NAV1: variants seen among roughly 807,000 people sequenced by gnomAD.
NAV1 encodes pore membrane and/or filament interacting like protein 3.
In NAV1, 18 loss-of-function variants were observed where a neutral mutation model predicts 175.2. The observed-to-expected ratio is 0.10, with a 90% CI of 0.07 to 0.15. NAV1 has a LOEUF of 0.15. Ranked by LOEUF, NAV1 falls within the 10% of genes least tolerant of loss-of-function variation. The probability of loss-of-function intolerance (pLI) is 1.00; values close to 1 mark genes in which losing one functional copy is unlikely to be tolerated. For missense variants in NAV1, 1,731 were observed against 2,436.6 expected (o/e 0.71, Z 6.10); for synonymous variants, 897 against 978.7 (o/e 0.92, Z 1.56).
At chr1:201,704,158 TGCAAACTCAG>T (rs1053320227) in intron 1 of NAV1, among the ~76,000 whole-genome samples, 4 of 152,164 alleles carry the variant, frequency 2.6e-5, no homozygotes, top group African/African-American at 9.7e-5. Context: ...TCATAGATAC[TGCAAACTCAG>T]GCTGTTCTCC....
intron 2 of NAV1, among the ~76,000 whole-genome samples, chr1:201,601,002 C>T (rs2102231784): frequency 6.6e-6 from 1 of 152,338 alleles, no homozygotes; most frequent in South Asian, 2.1e-4. Flanking sequence ...AGGTTGTCTC[C>T]TGCTCTGGCT....
chr1:201,648,970 A>G, exon 1 of NAV1: 1 of 1,613,260 alleles, frequency 6.2e-7, no homozygotes, highest in Non-Finnish European at 8.5e-7. Context: ...ACGGACTCCG[A>G]GAAAAAGCTG....
intron 17 of NAV1, 83 bp downstream of exon 21, chr1:201,804,580 A>C (rs1678158196): frequency 2.6e-4 from 33 of 126,284 alleles, no homozygotes; most frequent in South Asian, 9.6e-4. Flanking sequence ...CCCTTCCCCT[A>C]AAAAAAAAAA....
At chr1:201,600,026 A>T (rs1667474510) in intron 2 of NAV1, among the ~76,000 whole-genome samples, 1 of 152,208 alleles carries the variant, frequency 6.6e-6, no homozygotes, top group South Asian at 2.1e-4. Flanking sequence ...GGGCCCGGTT[A>T]TCTGCCCTAG....
rs547516670 is a variant in NAV1 at position 201,574,764 on chromosome 1, G to A, written c.-143-13775G>A. Among the ~76,000 whole-genome samples the A allele has an allele frequency of 2.6e-5, 4 of 152,300 alleles. No homozygotes were observed. The South Asian group carries it at 6.2e-4, about 24-fold the overall frequency. On this transcript the variant is annotated intron_variant, in intron 1 of 33. Coordinates refer to the NAV1 transcript ENST00000685211. ...GCGCCTCCTACCACCACCGTCACCA[G>A]CGTTGGGAGCCCTGACCCTCCCTGC...
intron 1 of NAV1, among the ~76,000 whole-genome samples, chr1:201,557,771 T>G (rs1302167571): frequency 1.3e-5 from 2 of 152,188 alleles, no homozygotes; most frequent in African/African-American, 4.8e-5. Flanking sequence ...AACGTGGTTT[T>G]GTTCCAATAG....
intron 8 of NAV1, among the ~76,000 whole-genome samples, chr1:201,785,974 G>A (rs1676717841): frequency 6.6e-6 from 1 of 151,840 alleles, no homozygotes; most frequent in South Asian, 2.1e-4. Flanking sequence ...TGTATTTTTA[G>A]TAGAGATGGG....
chr1:201,818,139 A>G (rs546232468), intron 29 of NAV1, among the ~76,000 whole-genome samples: 1 of 152,258 alleles, frequency 6.6e-6, no homozygotes, highest in South Asian at 2.1e-4. Context: ...CTGAGGTGGG[A>G]GATTGCTTGA....
At chr1:201,596,929 A>G (rs7551120) in intron 2 of NAV1, among the ~76,000 whole-genome samples, 36,572 of 151,964 alleles carry the variant, frequency 0.24, 4,590 homozygotes, top group East Asian at 0.38. Context: ...GGGTTCAAAC[A>G]ATTCTCCTGC....
intron 1 of NAV1, among the ~76,000 whole-genome samples, chr1:201,657,651 G>C (rs559214006): frequency 3.3e-5 from 5 of 152,192 alleles, no homozygotes; most frequent in Non-Finnish European, 7.3e-5. Context: ...ACGGCACCTG[G>C]CGGGGCTTTC....
chr1:201,643,149 T>C (rs887782847), intron 2 of NAV1, among the ~76,000 whole-genome samples: 2 of 136,072 alleles, frequency 1.5e-5, no homozygotes, highest in Non-Finnish European at 3.4e-5. Context: ...CCTTCCTTCC[T>C]CTCTCTCTTT....
chr1:201,638,489 C>T (rs1007452891), intron 2 of NAV1, among the ~76,000 whole-genome samples: 11 of 152,190 alleles, frequency 7.2e-5, no homozygotes, highest in Non-Finnish European at 1.6e-4. Flanking sequence ...GAGTCAGGGC[C>T]CTCCTTCCCA....
At chr1:201,770,339 A>G (rs1271014157) in intron 3 of NAV1, among the ~76,000 whole-genome samples, 2 of 152,164 alleles carry the variant, frequency 1.3e-5, no homozygotes, top group Non-Finnish European at 2.9e-5. Flanking sequence ...TCCTTAGACT[A>G]TGGTATCAGT....
At chr1:201,752,798 A>G (rs748728476) in intron 3 of NAV1, among the ~76,000 whole-genome samples, 4 of 152,192 alleles carry the variant, frequency 2.6e-5, no homozygotes, top group East Asian at 1.9e-4. Flanking sequence ...TTGTCTGCCA[A>G]TTGTGCAAAG....
At position 201,813,784 on chromosome 1, in the gene NAV1, G is replaced by A. The variant is rs547918984; in HGVS notation, c.5340+526G>A. Among the ~76,000 whole-genome samples the A allele has an allele frequency of 7.9e-5, 12 of 152,296 alleles. No individual in the cohort carries two copies. The highest frequency in any genetic ancestry group is 4.6e-4 in the Admixed American group (7 of 15,288). ...AAAAGTTAGAATAAGGAGACCGGGC[G>A]TGGTGGGTCATGCCTGTAATCCCAG... On this transcript the variant is annotated intron_variant, in intron 28 of 29. Coordinates refer to ENST00000367296, the Ensembl canonical transcript of NAV1. The surrounding 1 kb of genome is among the most constrained non-coding windows in gnomAD (Gnocchi z 4.2).
At chr1:201,784,070 G>A (rs751267830) in intron 7 of NAV1, among the ~76,000 whole-genome samples, 19 of 152,190 alleles carry the variant, frequency 1.2e-4, no homozygotes, top group Admixed American at 2.6e-4. Flanking sequence ...GAAGAAACTT[G>A]TGCACAAAGA....
chr1:201,555,343 T>TCGTTTTAACATTCTATGC, intron 1 of NAV1, among the ~76,000 whole-genome samples: 1 of 151,924 alleles, frequency 6.6e-6, no homozygotes, highest in South Asian at 2.1e-4. Context: ...ACATTCTATG[T>TCGTTTTAACATTCTATGC]GACCTCGTTC....
exon 14 of NAV1, chr1:201,793,841 G>A (rs1208037567): frequency 4.1e-6 from 6 of 1,471,974 alleles, no homozygotes; most frequent in Non-Finnish European, 5.5e-6. Flanking sequence ...ATGACATCCC[G>A]CCTGCGACAC....
intron 7 of NAV1, 31 bp from the exon 12 acceptor site, chr1:201,785,279 T>C (rs563591051): frequency 1.5e-5 from 22 of 1,472,414 alleles, no homozygotes; most frequent in Non-Finnish European, 1.6e-5. Context: ...TCTCTCTCTC[T>C]CTCTTTTTTT....
Sources: gnomAD v4.1 joint callset for allele counts (sites outside exome capture counted in the v4.1 genomes callset) on GRCh38, gnomAD v4.1.1 for gene constraint, Gnocchi (gnomAD v3.1) non-coding constraint, MANE v1.5 for transcripts, NCBI Gene and HGNC (gene_info 2026-07-23, HGNC 2026-07-21) for gene names.